Variants in PAAF1 observed in about 807,000 individuals in gnomAD.
PAAF1 encodes the protein proteasomal ATPase-associated factor 1.
PAAF1 carries 46 observed loss-of-function variants against 52.8 expected under a neutral mutation model. The observed-to-expected ratio is 0.87, with a 90% CI of 0.69 to 1.11. The LOEUF is 1.11. PAAF1 is among the 50% of genes most tolerant of loss of function. The pLI is 0.00. For missense variants in PAAF1, 424 were observed against 477.4 expected (o/e 0.89, Z 1.04); for synonymous variants, 178 against 172.8 (o/e 1.03, Z -0.24).
chr11:73,905,901 TC>T (rs1301422185), intron 6 of PAAF1, among the ~76,000 whole-genome samples: 4 of 152,184 alleles, frequency 2.6e-5, no homozygotes, highest in African/African-American at 9.7e-5. Context: ...GGTTGGAACT[TC>T]CAGTAGAGAC....
intron 10 of PAAF1, among the ~76,000 whole-genome samples, chr11:73,923,196 G>A (rs1230695571): frequency 6.6e-6 from 1 of 151,988 alleles, no homozygotes; most frequent in African/African-American, 2.4e-5. Context: ...AAAGGGTAAG[G>A]TACTACCTCG....
Position 73,916,644 on chromosome 11 carries a change from G to A in PAAF1, c.919G>A (p.Asp307Asn), listed in dbSNP as rs1950071577. 6 of 1,613,642 alleles carry A rather than the reference G, an allele frequency of 3.7e-6. No individual in the cohort carries two copies. Among genetic ancestry groups the A allele is most frequent in the South Asian group, 1.1e-5 (1 of 91,056 alleles). Residue 307 changes from aspartate (D) to asparagine (N), a missense_variant, in exon 9 of 12, where the codon GAT (aspartate) becomes AAT (asparagine). Physicochemically the swap from Asp to Asn is conservative, Grantham distance 23 (BLOSUM62 1). Transcript: ENST00000310571. The stretch of plus-strand genomic sequence containing the variant: ...TCAAGATGGAAACATTTATCAGCTG[G>A]ATGTGAGGAGTCCAAGGTGAGTCAC... ...GTQDGNIYQLDVRSPRAPVQV... is the reference protein window; with the variant it reads ...GTQDGNIYQLNVRSPRAPVQV...
At position 73,918,472 on chromosome 11, in the gene PAAF1, C is replaced by CT. The variant is rs1218558551; in HGVS notation, c.936-466dup. 3.6e-3 allele frequency among the ~76,000 whole-genome samples: 427 copies of CT among 119,968 alleles called. 1 individual carries two copies. Among genetic ancestry groups the CT allele is most frequent in the Non-Finnish European group, 4.1e-3 (238 of 58,402 alleles). The allele number at this position is 119,968 out of a possible 152,430, so 78.7% of individuals were successfully genotyped here. A position where few individuals can be genotyped will look rare whatever the true frequency, so the allele number is the denominator to read the frequency against. ...TTGATTCTCACTCAGCTTTCTCTTT[C>CT]TTTTTTTTTTTTATTTTTTTTTGAG... On this transcript the variant is annotated intron_variant, in intron 9 of 11. Coordinates refer to ENST00000310571, the MANE Select transcript of PAAF1 (RefSeq NM_025155.3).
Position 73,927,712 on chromosome 11 carries a change from G to A in PAAF1, c.*350G>A, listed in dbSNP as rs1950401096. ...AAGCCTGTTCTCTGGAGGAAATAAA[G>A]AAAATATGTTTGGAGGTGCCTGAAT... On this transcript the variant is annotated 3_prime_UTR_variant, in exon 12 of 12. Transcript: ENST00000310571. 1 of 231,224 alleles carries A rather than the reference G, an allele frequency of 4.3e-6. No homozygotes were observed. 14.3% of individuals were successfully genotyped at this position (231,224 alleles called of 1,614,324 possible). A position where few individuals can be genotyped will look rare whatever the true frequency, so the allele number is the denominator to read the frequency against.
At position 73,916,607 on chromosome 11, in the gene PAAF1, A is replaced by G. The variant is rs150469758; in HGVS notation, c.882A>G (p.Leu294=). The change falls in exon 9 of 12, where the codon CTA becomes CTG. Residue 294 remains leucine (L), a synonymous_variant. Coordinates refer to ENST00000310571, the MANE Select transcript of PAAF1 (RefSeq NM_025155.3). ...GTACTTTTCTCTCTGGCTTCTTGCT[A>G]TTGGCTGGGACTCAAGATGGAAACA... ...NCCTFLSGFL[L]LAGTQDGNIY... 24 of 1,613,964 alleles carry G rather than the reference A, an allele frequency of 1.5e-5. No homozygotes were observed. The highest frequency in any genetic ancestry group is 9.3e-5 in the African/African-American group (7 of 75,010).
intron 10 of PAAF1, 33 bp from the exon 11 acceptor site, chr11:73,924,582 C>G: frequency 6.4e-7 from 1 of 1,558,742 alleles, no homozygotes. Flanking sequence ...GCAGTTTTCT[C>G]TTAGTTATAT....
intron 9 of PAAF1, among the ~76,000 whole-genome samples, chr11:73,917,166 G>A (rs1183936806): frequency 6.6e-6 from 1 of 152,004 alleles, no homozygotes; most frequent in Non-Finnish European, 1.5e-5. Flanking sequence ...GATTACAGGT[G>A]CGCGCTACCA....
chr11:73,879,227 CT>C (rs1948826777), intron 2 of PAAF1: 2 of 152,978 alleles, frequency 1.3e-5, no homozygotes, highest in African/African-American at 4.8e-5. Flanking sequence ...TCACTGTCAC[CT>C]TAAGTTACTG....
intron 10 of PAAF1, chr11:73,921,810 T>C: frequency 5.2e-6 from 6 of 1,147,804 alleles, no homozygotes; most frequent in Non-Finnish European, 7.8e-6. Flanking sequence ...CCCTCATCAC[T>C]TCATCTTCCT....
At position 73,930,805 on chromosome 11, in the gene PAAF1, A is replaced by C. The variant is rs1031801640; in HGVS notation, c.*3443A>C. 1 of 150,622 alleles carries C rather than the reference A, an allele frequency of 6.6e-6. No homozygotes were observed. Among genetic ancestry groups the C allele is most frequent in the African/African-American group, 2.4e-5 (1 of 41,090 alleles). 9.3% of individuals were successfully genotyped at this position (150,622 alleles called of 1,614,324 possible). On this transcript the variant is annotated 3_prime_UTR_variant, in exon 12 of 12. Coordinates refer to ENST00000310571, the MANE Select transcript of PAAF1 (RefSeq NM_025155.3). ...TATATATATATATTTATATATGTAGAAGCAGTGAGTAGAATGGTGGTTACA... is the reference window on the plus strand; with the variant it reads ...TATATATATATATTTATATATGTAGCAGCAGTGAGTAGAATGGTGGTTACA...
rs768878564 is a variant in PAAF1, at chr11:73,899,289, G to A, written c.381+45G>A. The A allele has an allele frequency of 4.7e-6, 7 of 1,483,708 alleles. 1 individual carries two copies. In the South Asian group the frequency reaches 6.9e-5, roughly 15 times the overall value. The allele number at this position is 1,483,708 out of a possible 1,614,324, so 91.9% of individuals were successfully genotyped here. On this transcript the variant is annotated intron_variant, in intron 5 of 11. Coordinates refer to ENST00000310571, the MANE Select transcript of PAAF1 (RefSeq NM_025155.3). Reference sequence around the variant, plus strand: ...TTTTAGGTCTTAAACACAAAGGGTGGTCTGAGAAGCCTTGGACTGGGACAT... The same window carrying A: ...TTTTAGGTCTTAAACACAAAGGGTGATCTGAGAAGCCTTGGACTGGGACAT...
rs1270038199 is a variant in PAAF1 at position 73,891,154 on chromosome 11, A to G, written c.235A>G (p.Lys79Glu). The G allele has an allele frequency of 1.9e-6, 3 of 1,601,916 alleles. No individual in the cohort carries two copies. Among genetic ancestry groups the G allele is most frequent in the South Asian group, 2.2e-5 (2 of 90,486 alleles). Residue 79 changes from lysine to glutamate, a missense_variant, in exon 4 of 12, where the codon AAG becomes GAG. Lys to Glu is a moderately conservative substitution (Grantham distance 56). Coordinates refer to ENST00000310571, the MANE Select transcript of PAAF1 (RefSeq NM_025155.3). ...ATGTCCAAAGGAAAATGCATCTTCT[A>G]AGTTTTTGGCACCATATACTACTTT... ...ISCPKENASS[K>E]FLAPYTTFSR...
At chr11:73,915,321 G>A (rs915187718) in intron 8 of PAAF1, among the ~76,000 whole-genome samples, 11 of 152,152 alleles carry the variant, frequency 7.2e-5, no homozygotes, top group Non-Finnish European at 1.2e-4. Context: ...AAGAACTCAC[G>A]CCCACTGGGC....
At chr11:73,913,690 G>A (rs1329538572) in intron 7 of PAAF1, among the ~76,000 whole-genome samples, 2 of 136,050 alleles carry the variant, frequency 1.5e-5, no homozygotes, top group African/African-American at 3.2e-5. Flanking sequence ...AGAAGATGAG[G>A]GTAAAAAAAG....
At chr11:73,914,697 C>CTTTT (rs371949979) in intron 8 of PAAF1, among the ~76,000 whole-genome samples, 193 bp downstream of exon 8, 4 of 126,990 alleles carry the variant, frequency 3.1e-5, no homozygotes, top group Non-Finnish European at 5.1e-5. Context: ...AATCCCAGTT[C>CTTTT]TTTTTTTTTT....
chr11:73,904,079 G>A (rs896743794), intron 6 of PAAF1, among the ~76,000 whole-genome samples: 1 of 149,304 alleles, frequency 6.7e-6, no homozygotes, highest in Non-Finnish European at 1.5e-5. Context: ...GCGAGACTCC[G>A]TCTCAAAAAA....
intron 6 of PAAF1, among the ~76,000 whole-genome samples, chr11:73,904,083 C>CA (rs931989704): frequency 1.2e-3 from 152 of 129,364 alleles, no homozygotes; most frequent in Middle Eastern, 4.3e-3. Flanking sequence ...GACTCCGTCT[C>CA]AAAAAAAAAA....
At position 73,889,017 on chromosome 11, in the gene PAAF1, GTTAA is replaced by G. The variant is rs762473752; in HGVS notation, c.192+1566_192+1569del. ...CAGATAAGCAAACCAACTCAGAGAG[GTTAA>G]TTAATCTCAAATAATCAAAGACAGA... is the stretch of plus-strand genomic sequence containing the variant. On this transcript the variant is annotated intron_variant, in intron 3 of 11. Transcript: ENST00000310571. 7.6e-6 allele frequency: 4 copies of G among 529,476 alleles called. No individual in the cohort carries two copies. In the South Asian group the frequency reaches 1.2e-4, roughly 16 times the overall value. 32.8% of individuals were successfully genotyped at this position (529,476 alleles called of 1,614,324 possible).
intron 2 of PAAF1, among the ~76,000 whole-genome samples, chr11:73,885,810 C>T (rs150721320): frequency 0.01 from 1,517 of 150,144 alleles, 30 homozygotes; most frequent in African/African-American, 0.034. Flanking sequence ...CCATTGTACT[C>T]CAGCCTGGGC....
Sources: allele counts gnomAD v4.1 joint callset (sites outside exome capture counted in the v4.1 genomes callset), GRCh38; gene constraint gnomAD v4.1.1; transcripts MANE v1.5; gene names NCBI Gene and HGNC (gene_info 2026-07-23, HGNC 2026-07-21).